Variants in ST6GALNAC3 observed in about 807,000 individuals in gnomAD.
ST6GALNAC3 encodes the protein ST6 N-acetylgalactosaminide alpha-2,6-sialyltransferase 3, also known as alpha-N-acetylgalactosaminide alpha-2,6-sialyltransferase 3.
ST6GALNAC3 carries 25 observed loss-of-function variants against 32.7 expected under a neutral mutation model. That is an observed-to-expected ratio of 0.76 (90% CI 0.56 to 1.07). The LOEUF (loss-of-function observed/expected upper bound fraction) is 1.07, where lower values mean the gene tolerates loss of function less well. Among genes scored for constraint, ST6GALNAC3 ranks in the 50% least tolerant of loss-of-function variants. The pLI is 0.00. For missense variants in ST6GALNAC3, 355 were observed against 382.4 expected (o/e 0.93, Z 0.60); for synonymous variants, 129 against 133.1 (o/e 0.97, Z 0.21).
intron 2 of ST6GALNAC3, among the ~76,000 whole-genome samples, chr1:76,340,977 A>G (rs1009467743): frequency 5.9e-5 from 9 of 151,718 alleles, no homozygotes; most frequent in Non-Finnish European, 1.2e-4. Context: ...TTGTATATTA[A>G]TTGGATTATC....
intron 3 of ST6GALNAC3, among the ~76,000 whole-genome samples, chr1:76,486,870 T>C (rs1557477032): frequency 6.6e-6 from 1 of 152,212 alleles, no homozygotes; most frequent in Admixed American, 6.5e-5. Context: ...GTACCGGTTG[T>C]TCCTTTCCAT....
At chr1:76,558,610 G>A (rs187538445) in intron 3 of ST6GALNAC3, among the ~76,000 whole-genome samples, 18 of 152,220 alleles carry the variant, frequency 1.2e-4, no homozygotes, top group Admixed American at 1.1e-3. Flanking sequence ...AGGGAGAATG[G>A]GAGGGGAGGA....
intron 1 of ST6GALNAC3, among the ~76,000 whole-genome samples, chr1:76,128,096 A>C (rs1649372391): frequency 6.6e-6 from 1 of 152,122 alleles, no homozygotes; most frequent in East Asian, 1.9e-4. Flanking sequence ...TAACACCACC[A>C]ATCACGAGAA....
chr1:76,504,281 GTCTTTTT>G (rs1258790509), intron 3 of ST6GALNAC3, among the ~76,000 whole-genome samples: 1 of 152,076 alleles, frequency 6.6e-6, no homozygotes, highest in Non-Finnish European at 1.5e-5. Context: ...TTCCCTGTGT[GTCTTTTT>G]ATCTGTTTCT....
chr1:76,536,551 T>C (rs1020286588), intron 3 of ST6GALNAC3, among the ~76,000 whole-genome samples: 5 of 151,372 alleles, frequency 3.3e-5, no homozygotes, highest in African/African-American at 4.9e-5. Flanking sequence ...ATCTCCACAT[T>C]GTCACTCCCC....
chr1:76,618,014 T>C (rs767788931), intron 3 of ST6GALNAC3, among the ~76,000 whole-genome samples: 1 of 152,198 alleles, frequency 6.6e-6, no homozygotes, highest in Non-Finnish European at 1.5e-5. Flanking sequence ...CAAGCACAGA[T>C]CTACAAAATG....
chr1:76,487,199 A>G (rs932398257), intron 3 of ST6GALNAC3, among the ~76,000 whole-genome samples: 2 of 151,964 alleles, frequency 1.3e-5, no homozygotes, highest in African/African-American at 4.8e-5. Flanking sequence ...TGACAATTAT[A>G]TGTCTTGGAG....
chr1:76,514,961 T>G (rs12749279), intron 3 of ST6GALNAC3, among the ~76,000 whole-genome samples: 16,329 of 152,198 alleles, frequency 0.11, 1,002 homozygotes, highest in East Asian at 0.22. Flanking sequence ...ATCAGGAATA[T>G]TGGACTTTAG....
chr1:76,146,398 C>T (rs1460589185), intron 1 of ST6GALNAC3, among the ~76,000 whole-genome samples: 1 of 152,164 alleles, frequency 6.6e-6, no homozygotes, highest in Non-Finnish European at 1.5e-5. Context: ...GCATTCACTG[C>T]ACTTTCCCTG....
intron 2 of ST6GALNAC3, among the ~76,000 whole-genome samples, chr1:76,324,780 A>T (rs1268385512): frequency 6.6e-6 from 1 of 152,232 alleles, no homozygotes; most frequent in Non-Finnish European, 1.5e-5. Flanking sequence ...TAACAAATGT[A>T]TTATACTATA....
intron 3 of ST6GALNAC3, among the ~76,000 whole-genome samples, chr1:76,511,674 G>A (rs1000284222): frequency 2.0e-5 from 3 of 152,178 alleles, no homozygotes; most frequent in Admixed American, 6.5e-5. Context: ...AGCAGGAAAC[G>A]TCTCCCTTGT....
At chr1:76,457,126 C>T (rs1450636087) in intron 3 of ST6GALNAC3, among the ~76,000 whole-genome samples, 1 of 151,954 alleles carries the variant, frequency 6.6e-6, no homozygotes, top group Non-Finnish European at 1.5e-5. Context: ...GAATAAAATA[C>T]CTAGAAATCC....
At position 76,629,329 on chromosome 1, in the gene ST6GALNAC3, C is replaced by G; in HGVS notation, c.*523C>G. On this transcript the variant is annotated 3_prime_UTR_variant, in exon 5 of 5. Transcript: ENST00000328299. ...GCCTAAGGATGGGAAAATATCTCTT[C>G]CTAATATACCATCTTTCTACAGTAT... 2.0e-6 allele frequency: 2 copies of G among 985,634 alleles called. No homozygotes were observed. The highest frequency in any genetic ancestry group is 2.4e-6 in the Non-Finnish European group (2 of 830,116). 61.1% of individuals were successfully genotyped at this position (985,634 alleles called of 1,614,324 possible).
chr1:76,329,637 C>T (rs1158127807), intron 2 of ST6GALNAC3, among the ~76,000 whole-genome samples: 1 of 152,012 alleles, frequency 6.6e-6, no homozygotes, highest in Non-Finnish European at 1.5e-5. Context: ...GCAGTCACGG[C>T]TCTCTCTCAT....
rs376538479 is a variant in ST6GALNAC3, at chr1:76,186,451, A to G, written c.18+111567A>G. On this transcript the variant is annotated intron_variant, in intron 1 of 4. Transcript: ENST00000328299. ...GCTTTTCCTCCTTCATTCCATTCTC[A>G]TAGTAATCCTGAGGGAAAAAAAAAG... 5.9e-5 allele frequency among the ~76,000 whole-genome samples: 9 copies of G among 152,218 alleles called. No individual in the cohort carries two copies. The East Asian group carries it at 1.4e-3, about 23-fold the overall frequency.
rs979739412 is a variant in ST6GALNAC3, at chr1:76,598,688, G to C, written c.624-28764G>C. Reference sequence around the variant, plus strand: ...ATTCGTGATTCAGATGTGCCTTGTAGACAAGCACAGATCTTCACTGCTCAC... The same window carrying C: ...ATTCGTGATTCAGATGTGCCTTGTACACAAGCACAGATCTTCACTGCTCAC... On this transcript the variant is annotated intron_variant, in intron 3 of 4. Coordinates refer to ENST00000328299, the MANE Select transcript of ST6GALNAC3 (RefSeq NM_152996.4). 2.0e-5 allele frequency among the ~76,000 whole-genome samples: 3 copies of C among 151,528 alleles called. No homozygotes were observed. In the East Asian group the frequency reaches 5.8e-4, roughly 29 times the overall value.
At chr1:76,480,317 G>C (rs757758916) in intron 3 of ST6GALNAC3, among the ~76,000 whole-genome samples, 6 of 151,802 alleles carry the variant, frequency 4.0e-5, no homozygotes, top group African/African-American at 7.3e-5. Context: ...CTGCATTTTT[G>C]AAAAAAGGTT....
intron 1 of ST6GALNAC3, among the ~76,000 whole-genome samples, chr1:76,124,211 A>G (rs1649084136): frequency 6.6e-6 from 1 of 152,174 alleles, no homozygotes; most frequent in African/African-American, 2.4e-5. Context: ...AATTCAATTC[A>G]TCTCGTGCCT....
intron 1 of ST6GALNAC3, among the ~76,000 whole-genome samples, chr1:76,144,722 T>A (rs1650569072): frequency 1.3e-5 from 2 of 152,236 alleles, no homozygotes; most frequent in Admixed American, 1.3e-4. Context: ...TAGTCTATAG[T>A]TCCTGGTATC....
Sources: gnomAD v4.1 joint callset for allele counts (sites outside exome capture counted in the v4.1 genomes callset) on GRCh38, gnomAD v4.1.1 for gene constraint, MANE v1.5 for transcripts, NCBI Gene and HGNC (gene_info 2026-07-23, HGNC 2026-07-21) for gene names.